HAPLN3: variants seen among roughly 807,000 people sequenced by gnomAD.
HAPLN3 encodes the protein extracellular link domain containing, 1.
In HAPLN3, 28 loss-of-function variants were observed where a neutral mutation model predicts 28.1. The ratio of observed to expected loss-of-function variants is 1.00; its 90% CI spans 0.74 to 1.37. The LOEUF (loss-of-function observed/expected upper bound fraction) is 1.37, where lower values mean the gene tolerates loss of function less well. Ranked by LOEUF, HAPLN3 falls within the 40% of genes most tolerant of loss-of-function variation. The pLI is 0.00. For synonymous variants in HAPLN3, 211 were observed against 213.1 expected (o/e 0.99, Z 0.09); for missense variants, 513 against 504.6 (o/e 1.02, Z -0.16).
intron 2 of HAPLN3, among the ~76,000 whole-genome samples, chr15:88,886,907 A>G (rs1897872737): frequency 6.6e-6 from 1 of 152,232 alleles, no homozygotes; most frequent in Non-Finnish European, 1.5e-5. Context: ...GGGAGGACAC[A>G]TTCAAGCTGG....
intron 1 of HAPLN3, among the ~76,000 whole-genome samples, chr15:88,893,294 T>C (rs890717478): frequency 2.6e-5 from 4 of 151,794 alleles, no homozygotes; most frequent in Non-Finnish European, 5.9e-5. Context: ...GGCAGATGCC[T>C]GTAATCCCAG....
rs575307458 is a variant in HAPLN3 at position 88,879,281 on chromosome 15, G to T, written c.494-12C>A. The T allele has an allele frequency of 3.1e-6, 5 of 1,605,268 alleles. No individual in the cohort carries two copies. The East Asian group carries it at 8.9e-5, about 29-fold the overall frequency. On this transcript the variant is annotated splice_polypyrimidine_tract_variant and intron_variant, in intron 3 of 4. Coordinates refer to ENST00000359595, the MANE Select transcript of HAPLN3 (RefSeq NM_178232.4). The surrounding 1 kb of genome is among the most constrained non-coding windows in gnomAD (Gnocchi z 5.0). ...AGGAAAGACCACACCTGCAGGGGAA[G>T]GAAAGAGGAGCTTAGGGGGTGGCCA...
intron 2 of HAPLN3, among the ~76,000 whole-genome samples, chr15:88,884,847 C>T (rs1252431333): frequency 1.3e-5 from 2 of 152,098 alleles, no homozygotes; most frequent in Non-Finnish European, 2.9e-5. Flanking sequence ...GGAGGCAGAG[C>T]CTGCAGTGAG....
At chr15:88,887,899 G>A (rs1291132397) in intron 1 of HAPLN3, among the ~76,000 whole-genome samples, 1 of 151,918 alleles carries the variant, frequency 6.6e-6, no homozygotes, top group Admixed American at 6.6e-5. Context: ...GGAGGCAGAG[G>A]TTGTGGTGAG....
chr15:88,883,950 C>T (rs994536260), intron 2 of HAPLN3, among the ~76,000 whole-genome samples: 24 of 151,940 alleles, frequency 1.6e-4, no homozygotes, highest in African/African-American at 2.2e-4. Flanking sequence ...CAGTGGTGCA[C>T]GCCTGTAGTC....
chr15:88,882,070 A>G lies in HAPLN3; in HGVS notation c.125-345T>C, dbSNP rs376516752. ...TTTTTTTAGGACTTTGCCAGCCACC[A>G]TGAGCACATGGCCAGGCTTGCCTGC... On this transcript the variant is annotated intron_variant, in intron 2 of 4. Coordinates refer to ENST00000359595, the MANE Select transcript of HAPLN3 (RefSeq NM_178232.4). Among the ~76,000 whole-genome samples, 28 of 152,270 alleles carry G rather than the reference A, an allele frequency of 1.8e-4. No individual in the cohort carries two copies. The East Asian group carries it at 4.8e-3, about 26-fold the overall frequency.
intron 1 of HAPLN3, among the ~76,000 whole-genome samples, chr15:88,893,520 G>T (rs973495336): frequency 6.6e-6 from 1 of 152,066 alleles, no homozygotes; most frequent in African/African-American, 2.4e-5. Flanking sequence ...AAGATTTCAG[G>T]CTCTAGAAGC....
At position 88,881,121 on chromosome 15, in the gene HAPLN3, T is replaced by A; in HGVS notation, c.493+236A>T. The A allele has an allele frequency of 1.8e-6, 1 of 566,562 alleles. No homozygotes were observed. The highest frequency in any genetic ancestry group is 3.1e-6 in the Non-Finnish European group (1 of 324,676). 35.1% of individuals were successfully genotyped at this position (566,562 alleles called of 1,614,324 possible). On this transcript the variant is annotated intron_variant, in intron 3 of 4. Coordinates refer to ENST00000359595, the MANE Select transcript of HAPLN3 (RefSeq NM_178232.4). This position sits in a 1 kb window ranked among gnomAD's most constrained non-coding sequence, Gnocchi z 6.0. ...AGATTCTAGAGGCTGGGTGCTTGGGTTCAGACCCCAGCTCTGTCGTTTACA... is the reference window on the plus strand; with the variant it reads ...AGATTCTAGAGGCTGGGTGCTTGGGATCAGACCCCAGCTCTGTCGTTTACA...
rs756166952 is a variant in HAPLN3, at chr15:88,881,604, C to T, written c.246G>A (p.Arg82=). The T allele has an allele frequency of 1.7e-5, 27 of 1,613,938 alleles. No homozygotes were observed. Among genetic ancestry groups the T allele is most frequent in the Non-Finnish European group, 2.2e-5 (26 of 1,180,038 alleles). Residue 82 remains arginine (R), a synonymous_variant, in exon 3 of 5, where the codon CGG becomes CGA. Transcript: ENST00000359595. The surrounding 1 kb of genome is among the most constrained non-coding windows in gnomAD (Gnocchi z 6.0). The stretch of plus-strand genomic sequence containing the variant: ...GCTTCCACCATTTGACACGCACACG[C>T]CGCGGGGAGACCAGGGCCGGCTCGT... ...YRYEPALVSP[R]RVRVKWWKLS... is the part of the protein sequence containing the mutation.
At chr15:88,884,483 G>C (rs1360592665) in intron 2 of HAPLN3, among the ~76,000 whole-genome samples, 1 of 152,136 alleles carries the variant, frequency 6.6e-6, no homozygotes, top group Non-Finnish European at 1.5e-5. Flanking sequence ...AGAATGGCGT[G>C]AACCCAGGAG....
At position 88,877,929 on chromosome 15, in the gene HAPLN3, C is replaced by G; in HGVS notation, c.*41G>C. ...GGGAAAACGAACCACTCAATAAATA[C>G]ACAGCCAGTGAGGGAATGCGGCAGG... On this transcript the variant is annotated 3_prime_UTR_variant, in exon 5 of 5. Transcript: ENST00000359595. This position sits in a 1 kb window ranked among gnomAD's most constrained non-coding sequence, Gnocchi z 5.1. 6.5e-7 allele frequency: 1 copy of G among 1,536,694 alleles called. No individual in the cohort carries two copies.
At chr15:88,893,955 G>T (rs1404802421) in intron 1 of HAPLN3, among the ~76,000 whole-genome samples, 5 of 149,630 alleles carry the variant, frequency 3.3e-5, no homozygotes, top group African/African-American at 7.4e-5. Flanking sequence ...TTGGGGTGGG[G>T]GGGGCGGTCA....
At position 88,879,036 on chromosome 15, in the gene HAPLN3, G is replaced by C. The variant is rs766616399; in HGVS notation, c.727C>G (p.Arg243Gly). The C allele has an allele frequency of 6.2e-7, 1 of 1,607,392 alleles. No homozygotes were observed. Among genetic ancestry groups the C allele is most frequent in the Admixed American group, 1.7e-5 (1 of 59,168 alleles). Residue 243 changes from arginine to glycine, a missense_variant, in exon 4 of 5, where the codon CGA becomes GGA. Coordinates refer to ENST00000359595, the MANE Select transcript of HAPLN3 (RefSeq NM_178232.4). This position sits in a 1 kb window ranked among gnomAD's most constrained non-coding sequence, Gnocchi z 5.0. ...CGGPGLAPGV[R>G]SYGPRHRRLH... ...CGGCGGTGGCGGGGGCCGTAGCTTC[G>C]CACGCCAGGTGCCAGGCCCGGGCCA...
At chr15:88,893,959 G>A (rs959926975) in intron 1 of HAPLN3, among the ~76,000 whole-genome samples, 1 of 148,942 alleles carries the variant, frequency 6.7e-6, no homozygotes, top group Non-Finnish European at 1.5e-5. Context: ...GGTGGGGGGG[G>A]CGGTCACGAC....
intron 2 of HAPLN3, among the ~76,000 whole-genome samples, chr15:88,885,522 A>G (rs1272970626): frequency 2.8e-5 from 4 of 142,912 alleles, no homozygotes; most frequent in Admixed American, 2.2e-4. Context: ...CAGTGGTATG[A>G]TCTCAGCTCA....
chr15:88,881,306 T>C lies in HAPLN3; in HGVS notation c.493+51A>G. 6.4e-7 allele frequency: 1 copy of C among 1,562,826 alleles called. No homozygotes were observed. Among genetic ancestry groups the C allele is most frequent in the Non-Finnish European group, 8.7e-7 (1 of 1,154,802 alleles). On this transcript the variant is annotated intron_variant, in intron 3 of 4. Coordinates refer to ENST00000359595, the MANE Select transcript of HAPLN3 (RefSeq NM_178232.4). This position sits in a 1 kb window ranked among gnomAD's most constrained non-coding sequence, Gnocchi z 6.0. ...GGTCTGGATGTTTTCTCTGGTCCTC[T>C]CCCCTCTGCTCTCAGGTCCCAGTGT...
rs191390956 is a variant in HAPLN3 at position 88,885,424 on chromosome 15, C to T, written c.124+1751G>A. 1.0e-3 allele frequency among the ~76,000 whole-genome samples: 154 copies of T among 147,218 alleles called. 2 individuals carry two copies. Among genetic ancestry groups the T allele is most frequent in the African/African-American group, 3.2e-3 (129 of 39,864 alleles). On this transcript the variant is annotated intron_variant, in intron 2 of 4. Coordinates refer to ENST00000359595, the MANE Select transcript of HAPLN3 (RefSeq NM_178232.4). ...CTGAGTAGCTGGGATTACAGGTGCA[C>T]GCCACCACACCCGGCTAATTTTTTG...
chr15:88,887,455 C>A, intron 1 of HAPLN3, 110 bp from the exon 2 acceptor site: 2 of 971,368 alleles, frequency 2.1e-6, no homozygotes, highest in Non-Finnish European at 1.5e-6. Context: ...CTGCGGGACA[C>A]CTGCCGCCTA....
In HAPLN3 at chr15:88,880,531, G is replaced by T. The variant is rs775405803; in HGVS notation, c.493+826C>A. 7.8e-7 allele frequency: 1 copy of T among 1,285,176 alleles called. No individual in the cohort carries two copies. The highest frequency in any genetic ancestry group is 1.2e-5 in the South Asian group (1 of 80,870). The allele number at this position is 1,285,176 out of a possible 1,614,324, so 79.6% of individuals were successfully genotyped here. On this transcript the variant is annotated intron_variant, in intron 3 of 4. Coordinates refer to ENST00000359595, the MANE Select transcript of HAPLN3 (RefSeq NM_178232.4). The surrounding 1 kb of genome is among the most constrained non-coding windows in gnomAD (Gnocchi z 6.0). Reference sequence around the variant, plus strand: ...CATGTCATAGCTGGGACGGGCTGGGGCTAAAGTCAGGTCACCTTCCTCTAT... The same window carrying T: ...CATGTCATAGCTGGGACGGGCTGGGTCTAAAGTCAGGTCACCTTCCTCTAT...
Sources: gnomAD v4.1 joint callset for allele counts (sites outside exome capture counted in the v4.1 genomes callset) on GRCh38, gnomAD v4.1.1 for gene constraint, Gnocchi (gnomAD v3.1) non-coding constraint, MANE v1.5 for transcripts, NCBI Gene and HGNC (gene_info 2026-07-23, HGNC 2026-07-21) for gene names.